ADAMTSL1: variants seen among roughly 807,000 people sequenced by gnomAD.
ADAMTSL1 encodes the protein ADAMTS like 1.
In ADAMTSL1, 126 loss-of-function variants were observed where a neutral mutation model predicts 201.8. The ratio of observed to expected loss-of-function variants is 0.62; its 90% CI spans 0.54 to 0.72. ADAMTSL1 has a LOEUF of 0.72. Ranked by LOEUF, ADAMTSL1 falls within the 30% of genes least tolerant of loss-of-function variation. The pLI is 0.00. For missense variants in ADAMTSL1, 2,679 were observed against 2,277.8 expected (o/e 1.18, Z -3.59); for synonymous variants, 1,121 against 903.4 (o/e 1.24, Z -4.32).
chr9:17,954,511 A>T (rs1188253108), intron 1 of ADAMTSL1, among the ~76,000 whole-genome samples: 1 of 152,198 alleles, frequency 6.6e-6, no homozygotes, highest in South Asian at 2.1e-4. Context: ...ACAAAATGTC[A>T]TTATTATACC....
At chr9:18,212,032 G>C (rs17777503) in intron 2 of ADAMTSL1, among the ~76,000 whole-genome samples, 16,085 of 152,112 alleles carry the variant, frequency 0.11, 917 homozygotes, top group Middle Eastern at 0.19. Flanking sequence ...ACTCTCCTAG[G>C]GTTGTATGAA....
At chr9:18,218,186 C>T (rs1790418768) in intron 2 of ADAMTSL1, among the ~76,000 whole-genome samples, 1 of 152,100 alleles carries the variant, frequency 6.6e-6, no homozygotes, top group Non-Finnish European at 1.5e-5. Context: ...AGCTGAAGAT[C>T]CAAATATTGT....
intron 2 of ADAMTSL1, among the ~76,000 whole-genome samples, chr9:18,174,735 ATAT>A (rs1828062107): frequency 6.6e-6 from 1 of 152,168 alleles, no homozygotes; most frequent in South Asian, 2.1e-4. Context: ...TTAAAGAATA[ATAT>A]TATTAAGTGA....
intron 16 of ADAMTSL1, among the ~76,000 whole-genome samples, chr9:18,754,990 G>A (rs1044634272): frequency 6.6e-6 from 1 of 152,118 alleles, no homozygotes; most frequent in African/African-American, 2.4e-5. Context: ...CTTTAGGTTT[G>A]AGGAAACTGA....
At chr9:17,983,086 T>TTTTTTG (rs1356738608) in intron 1 of ADAMTSL1, among the ~76,000 whole-genome samples, 1 of 144,694 alleles carries the variant, frequency 6.9e-6, no homozygotes, top group Non-Finnish European at 1.5e-5. Context: ...CTTTTTTTTT[T>TTTTTTG]TTGAGACTGA....
At chr9:17,934,644 G>A (rs1299550693) in intron 1 of ADAMTSL1, among the ~76,000 whole-genome samples, 1 of 151,936 alleles carries the variant, frequency 6.6e-6, no homozygotes, top group Non-Finnish European at 1.5e-5. Context: ...CATCAGACCT[G>A]CCGCATTTCT....
intron 26 of ADAMTSL1, among the ~76,000 whole-genome samples, chr9:18,898,053 G>C (rs1588340887): frequency 6.6e-6 from 1 of 151,494 alleles, no homozygotes; most frequent in Non-Finnish European, 1.5e-5. Flanking sequence ...GCCAGGCATT[G>C]TGGCGGGCAC....
chr9:18,409,491 AATC>A (rs1331251303), intron 2 of ADAMTSL1, among the ~76,000 whole-genome samples: 1 of 151,748 alleles, frequency 6.6e-6, no homozygotes, highest in African/African-American at 2.4e-5. Flanking sequence ...CTGACATTCT[AATC>A]ATATACTTCC....
chr9:18,189,146 T>A (rs1828864623), intron 2 of ADAMTSL1, among the ~76,000 whole-genome samples: 1 of 152,138 alleles, frequency 6.6e-6, no homozygotes, highest in Admixed American at 6.5e-5. Context: ...GAGGAAGGAA[T>A]TAGTTCCACT....
intron 22 of ADAMTSL1, among the ~76,000 whole-genome samples, chr9:18,828,942 A>C (rs1446219952): frequency 6.6e-6 from 1 of 151,892 alleles, no homozygotes; most frequent in Admixed American, 6.6e-5. Flanking sequence ...TTTCAAGAGC[A>C]ATACTCCTGG....
intron 1 of ADAMTSL1, among the ~76,000 whole-genome samples, chr9:18,118,387 C>T (rs1468864870): frequency 6.6e-6 from 1 of 152,158 alleles, no homozygotes; most frequent in East Asian, 1.9e-4. Context: ...TACCAGTATC[C>T]AAGGACACAG....
intron 20 of ADAMTSL1, among the ~76,000 whole-genome samples, chr9:18,810,599 C>T (rs1234939724): frequency 6.6e-6 from 1 of 152,182 alleles, no homozygotes; most frequent in Non-Finnish European, 1.5e-5. Flanking sequence ...ATTAAATCCA[C>T]TTAACTTACA....
Position 18,277,004 on chromosome 9 carries a change from C to G in ADAMTSL1, c.207+113023C>G, listed in dbSNP as rs554607079. The stretch of plus-strand genomic sequence containing the variant: ...TTTCCCTTTTAATTTCTTCTTTGAC[C>G]GATTGGCTATTCAAGAACATGTTTG... On this transcript the variant is annotated intron_variant, in intron 2 of 29. Transcript: ENST00000680146. Among the ~76,000 whole-genome samples the G allele has an allele frequency of 9.2e-5, 14 of 152,176 alleles. No individual in the cohort carries two copies. In the South Asian group the frequency reaches 2.9e-3, roughly 32 times the overall value.
chr9:18,444,629 T>C (rs1284869539), intron 2 of ADAMTSL1, among the ~76,000 whole-genome samples: 1 of 152,156 alleles, frequency 6.6e-6, no homozygotes, highest in East Asian at 1.9e-4. Context: ...AAGAATATTC[T>C]ACTCCTTGAG....
At chr9:17,991,973 C>G (rs1490683336) in intron 1 of ADAMTSL1, among the ~76,000 whole-genome samples, 1 of 152,104 alleles carries the variant, frequency 6.6e-6, no homozygotes, top group East Asian at 1.9e-4. Flanking sequence ...CTCCTAATCA[C>G]CAGGGGCTTG....
chr9:18,838,360 T>TACAC (rs775337751), intron 23 of ADAMTSL1, among the ~76,000 whole-genome samples: 908 of 86,730 alleles, frequency 0.01, 6 homozygotes, highest in Middle Eastern at 0.015. Context: ...CAAACCATAT[T>TACAC]ACACACACAC....
At chr9:18,771,458 A>G (rs1479783936) in intron 17 of ADAMTSL1, among the ~76,000 whole-genome samples, 2 of 152,166 alleles carry the variant, frequency 1.3e-5, no homozygotes, top group South Asian at 2.1e-4. Context: ...GCGTACGCCA[A>G]TTCATTTACA....
chr9:18,257,638 A>G (rs570590357), intron 2 of ADAMTSL1, among the ~76,000 whole-genome samples: 2 of 152,334 alleles, frequency 1.3e-5, no homozygotes, highest in Non-Finnish European at 2.9e-5. Flanking sequence ...TCAAAAAGTT[A>G]AGCACAGAAT....
intron 3 of ADAMTSL1, among the ~76,000 whole-genome samples, chr9:18,545,191 C>T (rs1820400007): frequency 1.3e-5 from 2 of 152,118 alleles, no homozygotes; most frequent in Admixed American, 1.3e-4. Context: ...CCTTTTGCCC[C>T]AAACTCATTC....
Sources: allele counts gnomAD v4.1 joint callset (sites outside exome capture counted in the v4.1 genomes callset), GRCh38; gene constraint gnomAD v4.1.1; transcripts MANE v1.5; gene names NCBI Gene and HGNC (gene_info 2026-07-23, HGNC 2026-07-21).